RANBP2: variants seen among roughly 807,000 people sequenced by gnomAD.
The protein encoded by RANBP2 is E3 SUMO-protein ligase RanBP2.
Under a neutral mutation model 303.6 loss-of-function variants are expected in RANBP2, and 57 were observed. That is an observed-to-expected ratio of 0.19 (90% CI 0.15 to 0.23). The LOEUF is 0.23. RANBP2 is among the 10% of genes least tolerant of loss of function. The probability of loss-of-function intolerance (pLI) is 1.00; values close to 1 mark genes in which losing one functional copy is unlikely to be tolerated. For synonymous variants in RANBP2, 1,167 were observed against 1,301.5 expected, an observed-to-expected ratio of 0.90 and a Z score of 2.23; for missense variants, 3,138 against 3,780.8, an observed-to-expected ratio of 0.83 and a Z score of 4.46.
chr2:109,565,634 A>G, the RANBP2 span: 10 of 812,200 alleles, frequency 1.2e-5, no homozygotes, highest in African/African-American at 1.5e-4. Flanking sequence ...TTTGGCTAAA[A>G]TAGTACACAG....
the RANBP2 span, among the ~76,000 whole-genome samples, chr2:109,742,808 GAACA>G: frequency 6.8e-6 from 1 of 148,082 alleles, no homozygotes; most frequent in East Asian, 1.9e-4. Flanking sequence ...CATAACGCTA[GAACA>G]ATCAGGACAA....
chr2:109,052,280 G>T, the RANBP2 span, among the ~76,000 whole-genome samples: 1 of 152,182 alleles, frequency 6.6e-6, no homozygotes, highest in Non-Finnish European at 1.5e-5. Context: ...ATGTCAGAAA[G>T]TCCTTCAAAT....
the RANBP2 span, among the ~76,000 whole-genome samples, chr2:109,217,230 C>T: frequency 1.3e-5 from 2 of 152,246 alleles, no homozygotes; most frequent in African/African-American, 4.8e-5. Flanking sequence ...AGCAATCACT[C>T]TTTTAATAAA....
At chr2:109,548,542 G>A in the RANBP2 span, among the ~76,000 whole-genome samples, 5 of 152,182 alleles carry the variant, frequency 3.3e-5, no homozygotes, top group Admixed American at 1.3e-4. Flanking sequence ...TTGGGAGGCC[G>A]AGGTGGGTGG....
the RANBP2 span, among the ~76,000 whole-genome samples, chr2:109,721,222 T>C: frequency 1.4e-4 from 21 of 152,330 alleles, no homozygotes; most frequent in Admixed American, 1.4e-3. Context: ...ACGAACTTTC[T>C]TTTGTGTACA....
the RANBP2 span, chr2:109,398,640 C>T: frequency 2.6e-5 from 42 of 1,599,412 alleles, no homozygotes; most frequent in South Asian, 1.9e-4. Context: ...CATGCCCAGC[C>T]GCTGCATCCA....
chr2:109,351,076 G>C, the RANBP2 span, among the ~76,000 whole-genome samples: 1 of 152,238 alleles, frequency 6.6e-6, no homozygotes, highest in Admixed American at 6.5e-5. Flanking sequence ...TGAATAATCA[G>C]TTTTTGTAAA....
chr2:108,918,359 T>A, the RANBP2 span, among the ~76,000 whole-genome samples: 1 of 152,230 alleles, frequency 6.6e-6, no homozygotes, highest in East Asian at 1.9e-4. Flanking sequence ...GTCCACTGTG[T>A]GCTGTGTGTT....
At chr2:109,613,630 C>T in the RANBP2 span, 2 of 395,970 alleles carry the variant, frequency 5.1e-6, no homozygotes, top group African/African-American at 4.2e-5. Flanking sequence ...TCCTCTCCCG[C>T]CCCAGGCGCC....
At chr2:109,419,438 C>T in the RANBP2 span, 35 of 1,243,742 alleles carry the variant, frequency 2.8e-5, no homozygotes, top group East Asian at 7.6e-5. Flanking sequence ...AGGCAGCTGG[C>T]GAAGCACAGG....
the RANBP2 span, among the ~76,000 whole-genome samples, chr2:108,921,865 C>G: frequency 6.6e-6 from 1 of 152,386 alleles, no homozygotes; most frequent in South Asian, 2.1e-4. Flanking sequence ...GGGAACACAG[C>G]AGGACTGTCT....
chr2:109,433,077 A>G, the RANBP2 span, among the ~76,000 whole-genome samples: 1 of 152,250 alleles, frequency 6.6e-6, no homozygotes, highest in African/African-American at 2.4e-5. Flanking sequence ...GTATTTGTGC[A>G]TGTGTGCAGA....
chr2:109,672,391 A>G, the RANBP2 span, among the ~76,000 whole-genome samples: 1 of 152,196 alleles, frequency 6.6e-6, no homozygotes, highest in Non-Finnish European at 1.5e-5. Flanking sequence ...CTCTGCCACC[A>G]TTTTCAAGAG....
chr2:108,928,424 C>G, the RANBP2 span, among the ~76,000 whole-genome samples: 7 of 152,172 alleles, frequency 4.6e-5, no homozygotes, highest in Non-Finnish European at 1.0e-4. Flanking sequence ...GTCACCTCCC[C>G]CGTCCCCACT....
the RANBP2 span, among the ~76,000 whole-genome samples, chr2:109,633,221 CG>C: frequency 2.0e-5 from 3 of 152,028 alleles, no homozygotes; most frequent in Non-Finnish European, 2.9e-5. Flanking sequence ...GCAAAAACCT[CG>C]TCTCTACTAA....
chr2:109,378,203 G>A, the RANBP2 span, among the ~76,000 whole-genome samples: 7 of 152,194 alleles, frequency 4.6e-5, no homozygotes, highest in African/African-American at 7.2e-5. Flanking sequence ...TGTGGTCCGG[G>A]TGGGTTCACC....
Position 108,783,582 on chromosome 2 carries a change from A to C in RANBP2, c.9370-14A>C, listed in dbSNP as rs372696695. 1 of 1,591,232 alleles carries C rather than the reference A, an allele frequency of 6.3e-7. No individual in the cohort carries two copies. The highest frequency in any genetic ancestry group is 2.2e-5 in the East Asian group (1 of 44,572). ...AAAAATTTTTAACTTTTTTATTATA[A>C]ATCTTTTTTTCAGGGAGGAGATATC... On this transcript the variant is annotated splice_polypyrimidine_tract_variant and intron_variant, in intron 28 of 28. Transcript: ENST00000283195.
chr2:109,416,250 G>A, the RANBP2 span, among the ~76,000 whole-genome samples: 1 of 152,124 alleles, frequency 6.6e-6, no homozygotes, highest in African/African-American at 2.4e-5. Context: ...TTGGGTACCT[G>A]TGTAAGGGGC....
chr2:109,300,531 A>C, the RANBP2 span, among the ~76,000 whole-genome samples: 3 of 152,104 alleles, frequency 2.0e-5, no homozygotes, highest in Non-Finnish European at 4.4e-5. Context: ...AAAGACATGA[A>C]TCCATGCTCC....
Sources: allele counts gnomAD v4.1 joint callset (sites outside exome capture counted in the v4.1 genomes callset), GRCh38; gene constraint gnomAD v4.1.1; transcripts MANE v1.5; gene names NCBI Gene and HGNC (gene_info 2026-07-23, HGNC 2026-07-21).